LRIG1: variants seen among roughly 807,000 people sequenced by gnomAD.
The protein encoded by LRIG1 is leucine rich repeats and immunoglobulin like domains 1, also known as leucine-rich repeats and immunoglobulin-like domains protein 1.
Under a neutral mutation model 99.2 loss-of-function variants are expected in LRIG1, and 48 were observed. The ratio of observed to expected loss-of-function variants is 0.48; its 90% CI spans 0.38 to 0.62. The LOEUF is 0.62. Among genes scored for constraint, LRIG1 ranks in the 20% least tolerant of loss-of-function variants. The pLI, the probability that LRIG1 is intolerant of heterozygous loss-of-function variation, is 0.00. For missense variants in LRIG1, 1,646 were observed against 1,434.4 expected (o/e 1.15, Z -2.38); for synonymous variants, 772 against 596.1 (o/e 1.29, Z -4.30).
intron 3 of LRIG1, among the ~76,000 whole-genome samples, chr3:66,442,855 C>T (rs562524990): frequency 1.3e-5 from 2 of 152,290 alleles, no homozygotes; most frequent in East Asian, 1.9e-4. Context: ...TCCATGGGAT[C>T]TCCCCTTCCT....
intron 2 of LRIG1, among the ~76,000 whole-genome samples, chr3:66,457,069 T>C (rs1380895902): frequency 6.6e-6 from 1 of 152,078 alleles, no homozygotes; most frequent in Non-Finnish European, 1.5e-5. Context: ...TGATGTCATG[T>C]GGTTCTGAGG....
At chr3:66,486,822 TTGTG>T in intron 1 of LRIG1, among the ~76,000 whole-genome samples, 1 of 152,332 alleles carries the variant, frequency 6.6e-6, no homozygotes, top group Non-Finnish European at 1.5e-5. Flanking sequence ...CTTTACGCTT[TTGTG>T]TTTCTTCTAC....
intron 2 of LRIG1, among the ~76,000 whole-genome samples, chr3:66,461,384 C>T (rs533794195): frequency 6.6e-6 from 1 of 152,194 alleles, no homozygotes; most frequent in East Asian, 1.9e-4. Context: ...AAAAAACTTA[C>T]CTAATAATGT....
Position 66,382,978 on chromosome 3 carries a change from T to C in LRIG1, c.2491+4A>G. 1 of 1,597,278 alleles carries C rather than the reference T, an allele frequency of 6.3e-7. No homozygotes were observed. The highest frequency in any genetic ancestry group is 1.1e-5 in the South Asian group (1 of 89,566). ...GAAAGTCAGCTCCGCTGGCAGGGCCTGACCTGTGTTGGTGACACTGTACTC... is the reference window on the plus strand; with the variant it reads ...GAAAGTCAGCTCCGCTGGCAGGGCCCGACCTGTGTTGGTGACACTGTACTC... On this transcript the variant is annotated splice_donor_region_variant and intron_variant, in intron 15 of 18. Coordinates refer to ENST00000273261, the MANE Select transcript of LRIG1 (RefSeq NM_015541.3).
Position 66,462,439 on chromosome 3 carries a change from C to A in LRIG1, c.289G>T (p.Val97Leu), listed in dbSNP as rs1304758650. The stretch of plus-strand genomic sequence containing the variant: ...CCAGAGGTTTAGGGGGAGACTCACA[C>A]TTCCTGTAGGTTCGGCAAGTCCTCA... ...GFEDLPNLQE[V>L]YLNNNELTAV... Residue 97 changes from valine to leucine, a missense_variant and splice_region_variant, in exon 2 of 19, where the codon GTG becomes TTG. Physicochemically the swap from Val to Leu is conservative, Grantham distance 32. Transcript: ENST00000273261. The A allele has an allele frequency of 6.2e-7, 1 of 1,611,244 alleles. No individual in the cohort carries two copies. The highest frequency in any genetic ancestry group is 1.3e-5 in the African/African-American group (1 of 74,886).
At chr3:66,382,733 A>G (rs770630362) in intron 15 of LRIG1, among the ~76,000 whole-genome samples, 3 of 152,212 alleles carry the variant, frequency 2.0e-5, no homozygotes, top group Non-Finnish European at 2.9e-5. Flanking sequence ...CTGAGTTAGC[A>G]AGGAGAGGGA....
intron 4 of LRIG1, 67 bp from the exon 5 acceptor site, chr3:66,415,130 C>G: frequency 6.7e-7 from 1 of 1,485,482 alleles, no homozygotes; most frequent in East Asian, 2.3e-5. Context: ...TTATAGACAC[C>G]AGACCTCTCT....
chr3:66,423,299 G>A (rs1376209210), intron 3 of LRIG1, among the ~76,000 whole-genome samples: 4 of 152,122 alleles, frequency 2.6e-5, no homozygotes, highest in Admixed American at 6.5e-5. Context: ...GGCCAGGCAC[G>A]GTGGCTCACG....
chr3:66,494,570 T>C (rs1701186011), intron 1 of LRIG1, among the ~76,000 whole-genome samples: 1 of 152,164 alleles, frequency 6.6e-6, no homozygotes, highest in Non-Finnish European at 1.5e-5. Context: ...CTGAAGGACT[T>C]CTATGAACAG....
intron 12 of LRIG1, among the ~76,000 whole-genome samples, chr3:66,393,514 T>C (rs1365550001): frequency 6.6e-6 from 1 of 152,214 alleles, no homozygotes; most frequent in East Asian, 1.9e-4. Context: ...AGAGCTACGC[T>C]CCAGGAATCA....
intron 11 of LRIG1, among the ~76,000 whole-genome samples, chr3:66,395,460 C>T (rs1178507405): frequency 6.6e-6 from 1 of 152,214 alleles, no homozygotes; most frequent in Non-Finnish European, 1.5e-5. Context: ...CACTCTTCCT[C>T]ATGTTCCCCA....
At chr3:66,492,415 GT>G (rs952065621) in intron 1 of LRIG1, among the ~76,000 whole-genome samples, 6 of 151,754 alleles carry the variant, frequency 4.0e-5, no homozygotes, top group African/African-American at 1.5e-4. Flanking sequence ...GTTGTGAGTT[GT>G]TTTTTTTCTA....
intron 1 of LRIG1, among the ~76,000 whole-genome samples, chr3:66,493,958 A>G (rs1701168789): frequency 6.6e-6 from 1 of 151,284 alleles, no homozygotes; most frequent in African/African-American, 2.4e-5. Context: ...AGAAAGAAAG[A>G]AAGAAAAAGA....
In LRIG1 at chr3:66,383,324, T is replaced by G; in HGVS notation, c.2149A>C (p.Thr717Pro). ...GTGATGCGGGGCGGAGGGTTCCCCG[T>G]GGCTTTGCATTGGAGGGCCACTGTT... ...GETVALQCKA[T>P]GNPPPRITWF... is the part of the protein sequence containing the mutation. Residue 717 changes from threonine (T) to proline (P), a missense_variant, in exon 15 of 19, where the codon ACG (threonine) becomes CCG (proline). Physicochemically the swap from Thr to Pro is conservative, Grantham distance 38. Transcript: ENST00000273261. 2 of 1,601,862 alleles carry G rather than the reference T, an allele frequency of 1.2e-6. No individual in the cohort carries two copies. The highest frequency in any genetic ancestry group is 1.7e-6 in the Non-Finnish European group (2 of 1,170,466).
At chr3:66,385,817 A>G (rs1160205245) in intron 13 of LRIG1, among the ~76,000 whole-genome samples, 164 bp downstream of exon 13, 2 of 152,242 alleles carry the variant, frequency 1.3e-5, no homozygotes, top group Non-Finnish European at 1.5e-5. Context: ...TGAAATCTGC[A>G]AAACTTGCTC....
chr3:66,437,306 A>C lies in LRIG1; in HGVS notation c.365+14253T>G, dbSNP rs114665974. ...GGTAAGAGCAATTTCTCATCTAAGC[A>C]AACAGAGGCTTGAAAAGCTGCTGCT... On this transcript the variant is annotated intron_variant, in intron 3 of 18. Transcript: ENST00000273261. Among the ~76,000 whole-genome samples the C allele has an allele frequency of 3.4e-3, 521 of 152,350 alleles. 3 individuals carry two copies. Among genetic ancestry groups the C allele is most frequent in the African/African-American group, 0.012 (503 of 41,590 alleles).
In LRIG1 at chr3:66,382,244, G is replaced by C. The variant is rs777968005; in HGVS notation, c.2617+29C>G. 1.1e-5 allele frequency: 17 copies of C among 1,613,210 alleles called. No individual in the cohort carries two copies. The African/African-American group carries it at 1.5e-4, about 14-fold the overall frequency. On this transcript the variant is annotated intron_variant, in intron 16 of 18. Coordinates refer to ENST00000273261, the MANE Select transcript of LRIG1 (RefSeq NM_015541.3). ...CACCCAGAGACACAGTCACAGCAGA[G>C]CTCTGCTTCACAGTTACTGAGGCCT...
intron 3 of LRIG1, among the ~76,000 whole-genome samples, chr3:66,435,486 G>A (rs1703326739): frequency 6.6e-6 from 1 of 152,196 alleles, no homozygotes; most frequent in Non-Finnish European, 1.5e-5. Flanking sequence ...GGCTGAGGCA[G>A]AAGAATCACG....
intron 2 of LRIG1, among the ~76,000 whole-genome samples, chr3:66,459,202 A>G (rs1700300637): frequency 6.6e-6 from 1 of 152,126 alleles, no homozygotes; most frequent in Non-Finnish European, 1.5e-5. Flanking sequence ...TCAGTTCTAG[A>G]GCTGGGTGGG....
Sources: gnomAD v4.1 joint callset for allele counts (sites outside exome capture counted in the v4.1 genomes callset) on GRCh38, gnomAD v4.1.1 for gene constraint, MANE v1.5 for transcripts, NCBI Gene and HGNC (gene_info 2026-07-23, HGNC 2026-07-21) for gene names.